The following BTBD10 variants were observed in gnomAD, a reference collection of about 807,000 sequenced individuals.
BTBD10 encodes BTB/POZ domain-containing protein 10.
BTBD10 carries 21 observed loss-of-function variants against 53.2 expected under a neutral mutation model. The ratio of observed to expected loss-of-function variants is 0.39; its 90% CI spans 0.28 to 0.57. The LOEUF (loss-of-function observed/expected upper bound fraction) is 0.57. Among genes scored for constraint, BTBD10 ranks in the 20% least tolerant of loss-of-function variants. The probability of loss-of-function intolerance (pLI) is 0.53; values close to 1 mark genes in which losing one functional copy is unlikely to be tolerated. For synonymous variants in BTBD10, 149 were observed against 192.7 expected (o/e 0.77, Z 1.88); for missense variants, 360 against 594.7 (o/e 0.61, Z 4.10).
Position 13,421,781 on chromosome 11 carries a change from A to G in BTBD10, c.159T>C (p.Gly53=). Residue 53 remains glycine (G), a synonymous_variant, in exon 3 of 9, where the codon GGT becomes GGC. Transcript: ENST00000278174. The part of the protein sequence containing the change: ...GVDHTKMSLH[G]ASGGHERSRD... ...TTGATCTCTCATGTCCCCCACTAGCACCATGTAGACTCATTTTGGTGTGGT... is the reference window on the plus strand; with the variant it reads ...TTGATCTCTCATGTCCCCCACTAGCGCCATGTAGACTCATTTTGGTGTGGT... The G allele has an allele frequency of 6.2e-7, 1 of 1,614,028 alleles. No homozygotes were observed. Among genetic ancestry groups the G allele is most frequent in the Non-Finnish European group, 8.5e-7 (1 of 1,179,962 alleles).
intron 6 of BTBD10, 115 bp downstream of exon 6, chr11:13,413,415 T>C (rs570497116): frequency 1.1e-6 from 1 of 885,016 alleles, no homozygotes; most frequent in East Asian, 2.9e-5. Context: ...CTAGAATGCT[T>C]TATAATTGAA....
intron 7 of BTBD10, among the ~76,000 whole-genome samples, chr11:13,404,121 A>C (rs1189104449): frequency 1.3e-5 from 2 of 152,200 alleles, no homozygotes; most frequent in African/African-American, 4.8e-5. Flanking sequence ...TCATGGGGTA[A>C]ATTTGTGATT....
rs368781055 is a variant in BTBD10 at position 13,410,908 on chromosome 11, G to C, written c.808+2622C>G. Among the ~76,000 whole-genome samples the C allele has an allele frequency of 1.9e-3, 293 of 152,278 alleles. 2 individuals are homozygous for C. The highest frequency in any genetic ancestry group is 6.7e-3 in the African/African-American group (278 of 41,558). On this transcript the variant is annotated intron_variant, in intron 6 of 8. Coordinates refer to ENST00000278174, the MANE Select transcript of BTBD10 (RefSeq NM_032320.7). Reference sequence around the variant, plus strand: ...AATAAATGGGAAGACACAGCATTTGGAGCTATATGTTAATTCTTCTAAAAA... The same window carrying C: ...AATAAATGGGAAGACACAGCATTTGCAGCTATATGTTAATTCTTCTAAAAA...
chr11:13,425,128 T>C (rs1950311932), intron 2 of BTBD10, among the ~76,000 whole-genome samples: 2 of 152,112 alleles, frequency 1.3e-5, no homozygotes, highest in African/African-American at 4.8e-5. Flanking sequence ...CTCAAAGGAT[T>C]AGAGGAAATA....
chr11:13,445,308 C>A lies in BTBD10; in HGVS notation c.-57-127G>T, dbSNP rs999132866. On this transcript the variant is annotated intron_variant, in intron 1 of 8. Coordinates refer to ENST00000278174, the MANE Select transcript of BTBD10 (RefSeq NM_032320.7). ...GATGAATAGATTATAAAATACTAAC[C>A]ATACAAATGCCACAAATCAAATTAA... The A allele has an allele frequency of 1.2e-5, 5 of 406,468 alleles. No individual in the cohort carries two copies. In the Admixed American group the frequency reaches 2.1e-4, roughly 17 times the overall value. 25.2% of individuals were successfully genotyped at this position (406,468 alleles called of 1,614,324 possible).
chr11:13,456,404 A>G (rs1275690438), intron 1 of BTBD10, among the ~76,000 whole-genome samples: 1 of 152,178 alleles, frequency 6.6e-6, no homozygotes. Flanking sequence ...CTGAATTCGT[A>G]CCTCATACCA....
intron 8 of BTBD10, among the ~76,000 whole-genome samples, chr11:13,399,031 T>C (rs1411155963): frequency 6.6e-6 from 1 of 152,212 alleles, no homozygotes; most frequent in Non-Finnish European, 1.5e-5. Flanking sequence ...TTGGAGTTAG[T>C]TGCTCTTCTC....
At chr11:13,431,061 G>A (rs1407878038) in intron 2 of BTBD10, among the ~76,000 whole-genome samples, 2 of 151,332 alleles carry the variant, frequency 1.3e-5, no homozygotes, top group Non-Finnish European at 2.9e-5. Context: ...AAACACAGCT[G>A]CCTGAGAATA....
chr11:13,401,021 A>G (rs929085405), intron 8 of BTBD10, among the ~76,000 whole-genome samples: 12 of 152,142 alleles, frequency 7.9e-5, no homozygotes, highest in Non-Finnish European at 1.6e-4. Flanking sequence ...AGAAATTTTA[A>G]TATGGATTGA....
intron 6 of BTBD10, among the ~76,000 whole-genome samples, chr11:13,407,105 T>C (rs1246657300): frequency 6.6e-6 from 1 of 152,126 alleles, no homozygotes; most frequent in Non-Finnish European, 1.5e-5. Flanking sequence ...GGAACACTCT[T>C]TCTTGAAACA....
intron 1 of BTBD10, among the ~76,000 whole-genome samples, chr11:13,460,132 CT>C (rs1474682788): frequency 6.6e-6 from 1 of 152,144 alleles, no homozygotes; most frequent in Non-Finnish European, 1.5e-5. Flanking sequence ...CTAGCTTGGC[CT>C]GAGATGACTG....
chr11:13,419,422 T>C, intron 4 of BTBD10, 38 bp downstream of exon 4: 1 of 1,589,912 alleles, frequency 6.3e-7, no homozygotes, highest in Non-Finnish European at 8.5e-7. Context: ...TAAAAGCACA[T>C]TATAATTAGT....
At chr11:13,403,856 T>C (rs1949761765) in intron 7 of BTBD10, among the ~76,000 whole-genome samples, 1 of 152,196 alleles carries the variant, frequency 6.6e-6, no homozygotes, top group Non-Finnish European at 1.5e-5. Flanking sequence ...AAGTTCTGCC[T>C]AGGTTAGTCT....
At chr11:13,414,619 A>C (rs1950050677) in intron 5 of BTBD10, among the ~76,000 whole-genome samples, 1 of 151,790 alleles carries the variant, frequency 6.6e-6, no homozygotes, top group African/African-American at 2.4e-5. Context: ...GCGCCACTGC[A>C]CTCCAGCCTG....
chr11:13,405,537 T>C (rs1949805481), intron 7 of BTBD10, 122 bp downstream of exon 7: 1 of 1,074,272 alleles, frequency 9.3e-7, no homozygotes, highest in South Asian at 1.5e-5. Flanking sequence ...AAACTTAATT[T>C]ATAAAAATAG....
chr11:13,459,087 C>T (rs1449426881), intron 1 of BTBD10, among the ~76,000 whole-genome samples: 1 of 146,106 alleles, frequency 6.8e-6, no homozygotes, highest in Non-Finnish European at 1.5e-5. Flanking sequence ...GACGGAGTCT[C>T]GCTCTGTCGC....
Position 13,413,648 on chromosome 11 carries a change from A to G in BTBD10, c.690T>C (p.Asp230=). Residue 230 remains aspartate, a splice_region_variant and synonymous_variant, in exon 6 of 9, where the codon GAT becomes GAC. Transcript: ENST00000278174. ...IGSTVFRAIL[D]YYKTGIIRCP... Reference sequence around the variant, plus strand: ...AACGGATTATTCCTGTTTTATAGTAATCCTGGAAAAAGAAAAGTAAAGAAA... The same window carrying G: ...AACGGATTATTCCTGTTTTATAGTAGTCCTGGAAAAAGAAAAGTAAAGAAA... The G allele has an allele frequency of 6.2e-7, 1 of 1,605,144 alleles. No homozygotes were observed. Among genetic ancestry groups the G allele is most frequent in the Non-Finnish European group, 8.5e-7 (1 of 1,176,700 alleles).
At chr11:13,396,020 G>A (rs1489601628) in intron 8 of BTBD10, among the ~76,000 whole-genome samples, 28 of 151,970 alleles carry the variant, frequency 1.8e-4, no homozygotes, top group African/African-American at 5.3e-4. Context: ...TTGGCAATGC[G>A]GGCTCTTTTT....
chr11:13,427,950 A>C (rs1950375713), intron 2 of BTBD10, among the ~76,000 whole-genome samples: 1 of 151,894 alleles, frequency 6.6e-6, no homozygotes, highest in Admixed American at 6.6e-5. Context: ...ACCCCAAGAT[A>C]CCATAATTTG....
Sources: gnomAD v4.1 joint callset for allele counts (sites outside exome capture counted in the v4.1 genomes callset) on GRCh38, gnomAD v4.1.1 for gene constraint, MANE v1.5 for transcripts, NCBI Gene and HGNC (gene_info 2026-07-23, HGNC 2026-07-21) for gene names.